The following DPH6 variants were observed in gnomAD, a reference collection of about 807,000 sequenced individuals.
The protein encoded by DPH6 is diphthine--ammonia ligase.
A neutral mutation model predicts 38.2 loss-of-function variants in DPH6; 33 were observed. That is an observed-to-expected ratio of 0.86 (90% CI 0.65 to 1.15). The LOEUF is 1.15. Ranked by LOEUF, DPH6 falls within the 50% of genes most tolerant of loss-of-function variation. DPH6 has a pLI of 0.00. For synonymous variants in DPH6, 108 were observed against 103.0 expected, an observed-to-expected ratio of 1.05 and a Z score of -0.30; for missense variants, 325 against 320.0, an observed-to-expected ratio of 1.02 and a Z score of -0.12.
At chr15:35,238,204 G>A (rs1446061290) in intron 3 of DPH6, 2 of 197,948 alleles carry the variant, frequency 1.0e-5, no homozygotes, top group South Asian at 1.3e-4. Flanking sequence ...GGGGAAAGGT[G>A]TACTGGGGGT....
At chr15:35,454,966 G>GA (rs772189856) in intron 3 of DPH6, 146 bp from the exon 4 acceptor site, 34 of 544,454 alleles carry the variant, frequency 6.2e-5, no homozygotes, top group East Asian at 2.9e-4. Flanking sequence ...TCGACATTCA[G>GA]AAAAAATTTG....
chr15:35,246,034 G>A (rs907411278), intron 3 of DPH6, among the ~76,000 whole-genome samples: 4 of 152,104 alleles, frequency 2.6e-5, no homozygotes, highest in Non-Finnish European at 5.9e-5. Flanking sequence ...TGGCTCAGAA[G>A]CTCCCCCACT....
intron 3 of DPH6, among the ~76,000 whole-genome samples, chr15:35,264,202 T>C (rs571819335): frequency 7.9e-5 from 12 of 152,274 alleles, no homozygotes; most frequent in African/African-American, 2.9e-4. Context: ...ACAATCTATC[T>C]TGGATGCTTT....
the DPH6 span, among the ~76,000 whole-genome samples, chr15:35,202,579 A>G: frequency 2.6e-5 from 4 of 151,812 alleles, no homozygotes; most frequent in African/African-American, 9.7e-5. Context: ...AACTTATCAT[A>G]TTCTTCCAAG....
chr15:35,225,957 T>A (rs1010375003), intron 3 of DPH6, among the ~76,000 whole-genome samples: 1 of 152,174 alleles, frequency 6.6e-6, no homozygotes, highest in Admixed American at 6.5e-5. Flanking sequence ...ATATTAAAAA[T>A]GATTTATTGC....
intron 3 of DPH6, among the ~76,000 whole-genome samples, chr15:35,475,534 G>A (rs973118742): frequency 2.6e-5 from 4 of 151,886 alleles, no homozygotes; most frequent in Admixed American, 6.6e-5. Context: ...TGCTATTGTG[G>A]AAACATTGGT....
At chr15:35,242,380 C>T (rs1341922392) in intron 3 of DPH6, among the ~76,000 whole-genome samples, 1 of 142,646 alleles carries the variant, frequency 7.0e-6, no homozygotes, top group East Asian at 2.2e-4. Context: ...GTCCAAACAA[C>T]TTGACCTTAC....
At chr15:35,201,698 A>G in the DPH6 span, among the ~76,000 whole-genome samples, 13 of 151,950 alleles carry the variant, frequency 8.6e-5, no homozygotes, top group African/African-American at 2.9e-4. Context: ...CGGATATTTT[A>G]TAATTGAGAT....
intron 6 of DPH6, among the ~76,000 whole-genome samples, chr15:35,398,094 C>T (rs1056729516): frequency 6.6e-6 from 1 of 152,140 alleles, no homozygotes; most frequent in Non-Finnish European, 1.5e-5. Flanking sequence ...AAATAAATAT[C>T]TGTTCTCTGC....
chr15:35,329,875 A>C (rs2052313618), downstream of DPH6, among the ~76,000 whole-genome samples: 1 of 152,196 alleles, frequency 6.6e-6, no homozygotes, highest in South Asian at 2.1e-4. Flanking sequence ...ATGTGTTGAA[A>C]GAAATAGGCT....
chr15:35,429,511 TAA>T (rs1333568800), intron 5 of DPH6, among the ~76,000 whole-genome samples: 1 of 152,118 alleles, frequency 6.6e-6, no homozygotes, highest in Non-Finnish European at 1.5e-5. Context: ...AATAGCTGTT[TAA>T]AAGAGTGAAA....
intron 3 of DPH6, among the ~76,000 whole-genome samples, chr15:35,500,660 C>A (rs2054614314): frequency 6.6e-6 from 1 of 152,174 alleles, no homozygotes; most frequent in Non-Finnish European, 1.5e-5. Context: ...ATGGGCAAGA[C>A]AACATGGCCA....
intron 3 of DPH6, among the ~76,000 whole-genome samples, chr15:35,457,318 T>G (rs2054009750): frequency 6.6e-6 from 1 of 151,746 alleles, no homozygotes; most frequent in South Asian, 2.1e-4. Context: ...CTCTGACTAT[T>G]CTTCAACACT....
At chr15:35,448,118 T>C (rs1180915625) in intron 5 of DPH6, among the ~76,000 whole-genome samples, 2 of 152,192 alleles carry the variant, frequency 1.3e-5, no homozygotes, top group Non-Finnish European at 2.9e-5. Flanking sequence ...CAACTAGATA[T>C]ATCCTGCTAA....
In DPH6 at chr15:35,265,986, C is replaced by G. The variant is rs116435291; in HGVS notation, n.201-45404G>C. Among the ~76,000 whole-genome samples, 467 of 152,258 alleles carry G rather than the reference C, an allele frequency of 3.1e-3. 2 individuals carry two copies. The highest frequency in any genetic ancestry group is 0.017 in the Middle Eastern group (5 of 294). On this transcript the variant is annotated intron_variant and non_coding_transcript_variant, in intron 3 of 3. Transcript: ENST00000560386. The stretch of plus-strand genomic sequence containing the variant: ...AGTTTTAACTGGTTGAATCTGAATA[C>G]AAGTTCTCCAGGACACATGTTCTTA...
chr15:35,326,442 T>A (rs539054730), downstream of DPH6, among the ~76,000 whole-genome samples: 41 of 151,576 alleles, frequency 2.7e-4, no homozygotes, highest in South Asian at 8.1e-3. Flanking sequence ...TAAAAAGAAT[T>A]TTTTTTTTAA....
chr15:35,283,032 C>A, intron 3 of DPH6: 1 of 193,150 alleles, frequency 5.2e-6, no homozygotes, highest in South Asian at 8.3e-5. Context: ...CTTCTTCCTT[C>A]TTCTTCTTCT....
chr15:35,435,223 A>G (rs2053682319), intron 5 of DPH6, among the ~76,000 whole-genome samples: 1 of 152,248 alleles, frequency 6.6e-6, no homozygotes, highest in Non-Finnish European at 1.5e-5. Context: ...TTTAGTCTAA[A>G]GCTGCCTCCT....
Position 35,428,840 on chromosome 15 carries a change from T to G in DPH6, c.506-17944A>C, listed in dbSNP as rs182958136. Among the ~76,000 whole-genome samples the G allele has an allele frequency of 3.4e-3, 519 of 152,252 alleles. 1 individual carries two copies. Among genetic ancestry groups the G allele is most frequent in the Non-Finnish European group, 5.3e-3 (359 of 67,978 alleles). On this transcript the variant is annotated intron_variant, in intron 5 of 8. Transcript: ENST00000256538. ...CTTGTCCTTTCATTGTTCTGGTCAC[T>G]CTCTACTCACCGAATTACATTTGTT...
Sources: allele counts gnomAD v4.1 joint callset (sites outside exome capture counted in the v4.1 genomes callset), GRCh38; gene constraint gnomAD v4.1.1; transcripts MANE v1.5; gene names NCBI Gene and HGNC (gene_info 2026-07-23, HGNC 2026-07-21).